Variants in FARP1 observed in about 807,000 individuals in gnomAD.
The protein encoded by FARP1 is FERM, ARH/RhoGEF and pleckstrin domain protein 1, also known as FERM, ARHGEF and pleckstrin domain-containing protein 1.
FARP1 carries 52 observed loss-of-function variants against 128.8 expected under a neutral mutation model. The observed-to-expected ratio is 0.40, with a 90% CI of 0.32 to 0.51. FARP1 has a LOEUF of 0.51. Ranked by LOEUF, FARP1 falls within the 20% of genes least tolerant of loss-of-function variation. FARP1 has a pLI of 0.45. For missense variants in FARP1, 1,333 were observed against 1,367.9 expected (o/e 0.97, Z 0.40); for synonymous variants, 580 against 551.8 (o/e 1.05, Z -0.72).
chr13:98,437,851 T>C (rs762826150), intron 19 of FARP1: 19 of 1,595,976 alleles, frequency 1.2e-5, no homozygotes, highest in Non-Finnish European at 1.4e-5. Context: ...CCATTGTTAT[T>C]AGTAAAGGTG....
chr13:98,414,554 G>A (rs777338221), intron 16 of FARP1, among the ~76,000 whole-genome samples: 2 of 152,136 alleles, frequency 1.3e-5, no homozygotes, highest in Non-Finnish European at 2.9e-5. Flanking sequence ...TCTCAGCATC[G>A]GCTCCTCGTT....
intron 3 of FARP1, among the ~76,000 whole-genome samples, chr13:98,362,041 A>C (rs1888895409): frequency 6.6e-6 from 1 of 152,182 alleles, no homozygotes; most frequent in Non-Finnish European, 1.5e-5. Context: ...AGGCAGGTGG[A>C]TTGCTTGAGC....
chr13:98,374,673 G>A (rs1370694586), intron 5 of FARP1, among the ~76,000 whole-genome samples: 1 of 152,194 alleles, frequency 6.6e-6, no homozygotes. Context: ...AAAACTGGAA[G>A]TCATAGTCTG....
Position 98,279,411 on chromosome 13 carries a change from T to C in FARP1, c.172-64351T>C, listed in dbSNP as rs201335171. Among the ~76,000 whole-genome samples, 6 of 152,358 alleles carry C rather than the reference T, an allele frequency of 3.9e-5. No homozygotes were observed. In the East Asian group the frequency reaches 9.6e-4, roughly 24 times the overall value. On this transcript the variant is annotated intron_variant, in intron 2 of 26. Transcript: ENST00000319562. ...TTAAAAATTTGCTCCCCCTTGCATA[T>C]GCCATTTGAAACAAATTCCACACAT...
intron 3 of FARP1, among the ~76,000 whole-genome samples, chr13:98,348,616 C>T (rs911002939): frequency 6.6e-6 from 1 of 152,246 alleles, no homozygotes; most frequent in Admixed American, 6.5e-5. Context: ...TCTGTCTTCA[C>T]AGAGCAGAAG....
intron 1 of FARP1, chr13:98,203,884 C>T (rs967899679): frequency 6.6e-6 from 1 of 152,172 alleles, no homozygotes; most frequent in African/African-American, 2.4e-5. Flanking sequence ...ATATTCCTTC[C>T]AGCAACCAGC....
chr13:98,187,027 C>A (rs904257144), intron 1 of FARP1, among the ~76,000 whole-genome samples: 5 of 130,596 alleles, frequency 3.8e-5, no homozygotes, highest in Middle Eastern at 4.8e-3. Context: ...AAGCCATTAA[C>A]GTGCACATAC....
intron 2 of FARP1, among the ~76,000 whole-genome samples, chr13:98,331,018 C>A (rs1318833284): frequency 6.6e-6 from 1 of 152,156 alleles, no homozygotes. Context: ...TTAATTAAAT[C>A]CTGGCCATCG....
chr13:98,321,672 T>G (rs1477676328), intron 2 of FARP1, among the ~76,000 whole-genome samples: 4 of 152,232 alleles, frequency 2.6e-5, no homozygotes, highest in African/African-American at 9.6e-5. Context: ...GTGCTTCTTC[T>G]GTGAAATCAG....
At chr13:98,307,461 G>A (rs933286440) in intron 2 of FARP1, among the ~76,000 whole-genome samples, 6 of 151,962 alleles carry the variant, frequency 3.9e-5, no homozygotes, top group South Asian at 2.1e-4. Flanking sequence ...TCTCTGTCTC[G>A]TGGGCTGTGA....
chr13:98,197,864 T>A (rs1196690897), intron 1 of FARP1, among the ~76,000 whole-genome samples: 1 of 152,010 alleles, frequency 6.6e-6, no homozygotes, highest in Non-Finnish European at 1.5e-5. Flanking sequence ...CTCGATCTCC[T>A]GACCTCGTGA....
At chr13:98,229,305 A>G (rs1296560544) in intron 2 of FARP1, among the ~76,000 whole-genome samples, 2 of 152,248 alleles carry the variant, frequency 1.3e-5, no homozygotes, top group Non-Finnish European at 2.9e-5. Flanking sequence ...GGAAACTTGC[A>G]GTGTGGGATT....
intron 6 of FARP1, chr13:98,381,567 A>T (rs1414537941): frequency 1.3e-5 from 2 of 152,220 alleles, no homozygotes; most frequent in African/African-American, 4.8e-5. Context: ...GGACAAGCTG[A>T]TGAAGAGAAG....
In FARP1 at chr13:98,183,628, A is replaced by G. The variant is rs564407390; in HGVS notation, c.-23-29592A>G. ...GCAGCTTCTGTTGATTATTTTTACA[A>G]ACGCACCTTATTAGCTGCCTTTGCC... is the stretch of plus-strand genomic sequence containing the variant. On this transcript the variant is annotated intron_variant, in intron 1 of 26. Coordinates refer to ENST00000319562, the MANE Select transcript of FARP1 (RefSeq NM_005766.4). Among the ~76,000 whole-genome samples, 6 of 152,260 alleles carry G rather than the reference A, an allele frequency of 3.9e-5. No homozygotes were observed. The South Asian group carries it at 1.0e-3, about 26-fold the overall frequency.
intron 1 of FARP1, among the ~76,000 whole-genome samples, chr13:98,168,679 A>T (rs1321444123): frequency 1.3e-5 from 2 of 151,970 alleles, no homozygotes; most frequent in Non-Finnish European, 2.9e-5. Flanking sequence ...TGTTTCCTGG[A>T]GCTTATCTTC....
chr13:98,402,017 T>C (rs1890792389), intron 13 of FARP1: 2 of 152,188 alleles, frequency 1.3e-5, no homozygotes, highest in African/African-American at 4.8e-5. Context: ...CTCTGATTTG[T>C]CTTGGAGTGG....
intron 18 of FARP1, 100 bp downstream of exon 18, chr13:98,431,380 G>T: frequency 2.8e-6 from 2 of 722,614 alleles, no homozygotes; most frequent in East Asian, 2.8e-5. Flanking sequence ...CGGGGAGAGA[G>T]GTCAGCTGAT....
intron 2 of FARP1, among the ~76,000 whole-genome samples, chr13:98,310,014 G>A (rs551004089): frequency 1.3e-4 from 19 of 148,404 alleles, no homozygotes; most frequent in African/African-American, 4.1e-4. Context: ...TTTTTACGCC[G>A]ATGGGACCAT....
intron 3 of FARP1, among the ~76,000 whole-genome samples, chr13:98,364,473 T>C (rs1454584671): frequency 6.6e-6 from 1 of 152,368 alleles, no homozygotes; most frequent in East Asian, 1.9e-4. Flanking sequence ...GCTGTTGGCA[T>C]TTTCTCTTTG....
Sources: gnomAD v4.1 joint callset for allele counts (sites outside exome capture counted in the v4.1 genomes callset) on GRCh38, gnomAD v4.1.1 for gene constraint, MANE v1.5 for transcripts, NCBI Gene and HGNC (gene_info 2026-07-23, HGNC 2026-07-21) for gene names.